Variants in IRAK1BP1 observed in about 807,000 individuals in gnomAD.
IRAK1BP1 encodes interleukin-1 receptor-associated kinase 1-binding protein 1.
A neutral mutation model predicts 28.0 loss-of-function variants in IRAK1BP1; 24 were observed. The observed-to-expected ratio is 0.86, with a 90% CI of 0.62 to 1.20. IRAK1BP1 has a LOEUF of 1.20. Among genes scored for constraint, IRAK1BP1 ranks in the 50% most tolerant of loss-of-function variants. IRAK1BP1 has a pLI of 0.00. For missense variants in IRAK1BP1, 336 were observed against 316.7 expected, an observed-to-expected ratio of 1.06 and a Z score of -0.46; for synonymous variants, 131 against 116.3, an observed-to-expected ratio of 1.13 and a Z score of -0.81.
At chr6:78,915,353 C>T (rs1175922580) in intron 4 of IRAK1BP1, among the ~76,000 whole-genome samples, 2 of 152,128 alleles carry the variant, frequency 1.3e-5, no homozygotes, top group Non-Finnish European at 1.5e-5. Flanking sequence ...GTTGCATAGA[C>T]CTCATGACTA....
intron 1 of IRAK1BP1, among the ~76,000 whole-genome samples, chr6:78,884,752 A>G (rs147108039): frequency 2.6e-5 from 4 of 152,282 alleles, no homozygotes; most frequent in Admixed American, 2.6e-4. Context: ...GTAATTTTGT[A>G]TTAAAATATT....
In IRAK1BP1 at chr6:78,899,067, C is replaced by T. The variant is rs1053983872; in HGVS notation, c.*733C>T. On this transcript the variant is annotated 3_prime_UTR_variant, in exon 4 of 4. Coordinates refer to ENST00000369940, the MANE Select transcript of IRAK1BP1 (RefSeq NM_001010844.4). ...GTCCCATGGGGGCAAAATGATATGG[C>T]CATATGCAATATGGCTACATATACA... 6.6e-6 allele frequency: 1 copy of T among 152,150 alleles called. No homozygotes were observed. Among genetic ancestry groups the T allele is most frequent in the African/African-American group, 2.4e-5 (1 of 41,420 alleles). The allele number at this position is 152,150 out of a possible 1,614,324, so 9.4% of individuals were successfully genotyped here. A position where few individuals can be genotyped will look rare whatever the true frequency, so the allele number is the denominator to read the frequency against.
intron 2 of IRAK1BP1, among the ~76,000 whole-genome samples, chr6:78,887,338 A>G (rs1771463569): frequency 6.6e-6 from 1 of 152,170 alleles, no homozygotes; most frequent in Non-Finnish European, 1.5e-5. Flanking sequence ...ATTGAGCTAT[A>G]ACCTCACACC....
chr6:78,869,402 C>T (rs1291424932), intron 1 of IRAK1BP1, among the ~76,000 whole-genome samples: 5 of 152,168 alleles, frequency 3.3e-5, no homozygotes, highest in African/African-American at 1.2e-4. Context: ...GTCCTGTAAT[C>T]CCAGCTACTA....
chr6:78,884,952 G>A (rs1237667495), intron 1 of IRAK1BP1, among the ~76,000 whole-genome samples: 1 of 152,136 alleles, frequency 6.6e-6, no homozygotes, highest in East Asian at 1.9e-4. Flanking sequence ...TACAATTTTA[G>A]TACTGTCATC....
intron 4 of IRAK1BP1, among the ~76,000 whole-genome samples, chr6:78,909,692 A>G (rs552226564): frequency 6.6e-6 from 1 of 152,352 alleles, no homozygotes; most frequent in South Asian, 2.1e-4. Flanking sequence ...CCAGATGCCA[A>G]GGGAACCTAT....
rs140547521 is a variant in IRAK1BP1, at chr6:78,913,463, C to T, written c.*67+10353C>T. Among the ~76,000 whole-genome samples the T allele has an allele frequency of 2.4e-3, 366 of 152,208 alleles. 3 individuals carry two copies. The highest frequency in any genetic ancestry group is 7.7e-3 in the African/African-American group (322 of 41,552). ...GAGTTCAAAACCAGACTGGCCAATG[C>T]GGTGAAACCCCATCTGTACTAAAAA... On this transcript the variant is annotated intron_variant and NMD_transcript_variant, in intron 4 of 4. Coordinates refer to the IRAK1BP1 transcript ENST00000606868.
At chr6:78,868,517 A>G (rs1770674370) in intron 1 of IRAK1BP1, among the ~76,000 whole-genome samples, 1 of 152,232 alleles carries the variant, frequency 6.6e-6, no homozygotes. Flanking sequence ...TGTGGATACC[A>G]CATATACGAA....
chr6:78,903,186 T>A, downstream of IRAK1BP1: 1 of 767,632 alleles, frequency 1.3e-6, no homozygotes, highest in Non-Finnish European at 2.0e-6. Context: ...ACATAGGGTT[T>A]AAACTTTATT....
intron 4 of IRAK1BP1, among the ~76,000 whole-genome samples, chr6:78,917,192 GA>G (rs1217512871): frequency 6.6e-6 from 1 of 151,910 alleles, no homozygotes; most frequent in Non-Finnish European, 1.5e-5. Flanking sequence ...AGCAATTCAA[GA>G]AATGAAGGAA....
At chr6:78,876,246 C>T (rs928855884) in intron 1 of IRAK1BP1, among the ~76,000 whole-genome samples, 5 of 152,296 alleles carry the variant, frequency 3.3e-5, no homozygotes, top group African/African-American at 7.2e-5. Context: ...ACATGTAAGA[C>T]GTGCCTTGCT....
downstream of IRAK1BP1, among the ~76,000 whole-genome samples, chr6:78,950,536 T>TATTTGCTTCATA (rs1321454349): frequency 6.6e-6 from 1 of 152,220 alleles, no homozygotes; most frequent in African/African-American, 2.4e-5. Context: ...GTTACTGAGT[T>TATTTGCTTCATA]ATTTGCTTCA....
the IRAK1BP1 span, among the ~76,000 whole-genome samples, chr6:78,972,757 G>C: frequency 2.8e-4 from 42 of 152,244 alleles, no homozygotes; most frequent in East Asian, 3.1e-3. Context: ...CCGATGCGAT[G>C]AACTGGAAGA....
intron 4 of IRAK1BP1, among the ~76,000 whole-genome samples, chr6:78,915,402 A>G (rs1333173172): frequency 6.6e-6 from 1 of 152,230 alleles, no homozygotes; most frequent in Non-Finnish European, 1.5e-5. Context: ...AAAGCATGTT[A>G]TAGTGGCCAA....
chr6:78,897,983 T>C (rs1490863099), intron 3 of IRAK1BP1, 24 bp downstream of exon 3: 1 of 1,611,540 alleles, frequency 6.2e-7, no homozygotes, highest in Admixed American at 1.7e-5. Context: ...CATCTTTAAC[T>C]AAGATATTCT....
intron 1 of IRAK1BP1, among the ~76,000 whole-genome samples, chr6:78,882,813 T>C (rs1365446896): frequency 6.6e-6 from 1 of 152,210 alleles, no homozygotes; most frequent in Non-Finnish European, 1.5e-5. Flanking sequence ...GTTTTGTTAA[T>C]GGTAATCTAC....
the IRAK1BP1 span, among the ~76,000 whole-genome samples, chr6:78,969,348 A>C: frequency 6.6e-6 from 1 of 152,344 alleles, no homozygotes; most frequent in African/African-American, 2.4e-5. Flanking sequence ...TACTCTCATA[A>C]GTGGCACATC....
At chr6:78,978,492 A>T in the IRAK1BP1 span, 1 of 879,266 alleles carries the variant, frequency 1.1e-6, no homozygotes, top group Non-Finnish European at 1.7e-6. Flanking sequence ...GAGATACTTT[A>T]CAAAACTGCT....
chr6:78,877,198 C>T (rs1005036440), intron 1 of IRAK1BP1, among the ~76,000 whole-genome samples: 17 of 152,142 alleles, frequency 1.1e-4, no homozygotes, highest in African/African-American at 2.7e-4. Flanking sequence ...AGTAAAGGCA[C>T]AGCAATCAAG....
Sources: gnomAD v4.1 joint callset for allele counts (sites outside exome capture counted in the v4.1 genomes callset) on GRCh38, gnomAD v4.1.1 for gene constraint, MANE v1.5 for transcripts, NCBI Gene and HGNC (gene_info 2026-07-23, HGNC 2026-07-21) for gene names.